RASA3: variants seen among roughly 807,000 people sequenced by gnomAD.
RASA3 encodes the protein ras GTPase-activating protein 3.
In RASA3, 73 loss-of-function variants were observed where a neutral mutation model predicts 110.0. That is an observed-to-expected ratio of 0.66 (90% confidence interval 0.55 to 0.81). The LOEUF (loss-of-function observed/expected upper bound fraction) is 0.81. Among genes scored for constraint, RASA3 ranks in the 30% least tolerant of loss-of-function variants. The pLI, the probability that RASA3 is intolerant of heterozygous loss-of-function variation, is 0.00. For synonymous variants in RASA3, 500 were observed against 451.4 expected (o/e 1.11, Z -1.37); for missense variants, 976 against 1,113.2 (o/e 0.88, Z 1.75).
chr13:114,037,613 G>T (rs1419731117), intron 4 of RASA3, among the ~76,000 whole-genome samples: 1 of 152,174 alleles, frequency 6.6e-6, no homozygotes, highest in Non-Finnish European at 1.5e-5. Flanking sequence ...ACAATATTAT[G>T]AATATATTCA....
At chr13:114,127,845 C>A (rs1383439055) in intron 1 of RASA3, among the ~76,000 whole-genome samples, 5 of 152,190 alleles carry the variant, frequency 3.3e-5, no homozygotes, top group Non-Finnish European at 7.3e-5. Flanking sequence ...CCAGATAAAT[C>A]CGTGGGTCTC....
chr13:114,044,971 AAC>A (rs1348720365), intron 3 of RASA3, among the ~76,000 whole-genome samples: 4 of 152,292 alleles, frequency 2.6e-5, no homozygotes, highest in African/African-American at 4.8e-5. Context: ...TTTAATAGGT[AAC>A]ACAGAAACAG....
chr13:113,980,150 T>C (rs1276655573), intron 23 of RASA3, among the ~76,000 whole-genome samples: 3 of 138,908 alleles, frequency 2.2e-5, no homozygotes, highest in Non-Finnish European at 4.6e-5. Context: ...CTGCCACGTG[T>C]GTGCACACCT....
intron 9 of RASA3, among the ~76,000 whole-genome samples, chr13:114,021,097 G>A (rs1033232281): frequency 6.3e-4 from 95 of 151,944 alleles, no homozygotes; most frequent in African/African-American, 2.2e-3. Context: ...ATCAGACCCC[G>A]TGAGCTGCTC....
At chr13:114,003,291 G>A (rs1405932078) in intron 18 of RASA3, among the ~76,000 whole-genome samples, 1 of 152,132 alleles carries the variant, frequency 6.6e-6, no homozygotes, top group Non-Finnish European at 1.5e-5. Context: ...GCTGCATCCA[G>A]GGCACCTGGG....
intron 1 of RASA3, among the ~76,000 whole-genome samples, chr13:114,119,468 A>C (rs1283389329): frequency 6.6e-6 from 1 of 152,046 alleles, no homozygotes; most frequent in African/African-American, 2.4e-5. Flanking sequence ...AGCAGCAGCG[A>C]GAGAACCAGC....
intron 2 of RASA3, among the ~76,000 whole-genome samples, chr13:114,072,788 G>A (rs2079593402): frequency 6.6e-6 from 1 of 152,222 alleles, no homozygotes; most frequent in African/African-American, 2.4e-5. Flanking sequence ...TGATGTACAT[G>A]CTCAGGACAT....
At chr13:114,100,122 C>CA (rs757599654) in intron 1 of RASA3, among the ~76,000 whole-genome samples, 17 of 151,110 alleles carry the variant, frequency 1.1e-4, no homozygotes, top group Non-Finnish European at 2.2e-4. Context: ...CTGAACACAG[C>CA]AAGGCTTTCC....
At position 114,131,342 on chromosome 13, in the gene RASA3, G is replaced by A. The variant is rs1351521917; in HGVS notation, c.55+1093C>T. 2.6e-5 allele frequency among the ~76,000 whole-genome samples: 4 copies of A among 152,146 alleles called. No individual in the cohort carries two copies. In the East Asian group the frequency reaches 7.7e-4, roughly 29 times the overall value. ...GGGGACCGCGACACTGCAGGCCCTG[G>A]AAGCCTCTCCAGCCTGAACCGCGCT... On this transcript the variant is annotated intron_variant, in intron 1 of 23. Transcript: ENST00000334062.
In RASA3 at chr13:114,018,749, G is replaced by A. The variant is rs2053850026; in HGVS notation, c.942+14C>T. 3 of 1,612,436 alleles carry A rather than the reference G, an allele frequency of 1.9e-6. No individual in the cohort carries two copies. ...CTCCTGCCCACACCCACAGGCCACG[G>A]CGTGGACAAGCACCTCCACATCCGC... On this transcript the variant is annotated intron_variant, in intron 10 of 23. Coordinates refer to ENST00000334062, the MANE Select transcript of RASA3 (RefSeq NM_007368.4).
At position 114,013,952 on chromosome 13, in the gene RASA3, GTCTCTC is replaced by G. The variant is rs36231035; in HGVS notation, c.1406-710_1406-705del. Among the ~76,000 whole-genome samples, 61 of 108,222 alleles carry G rather than the reference GTCTCTC, an allele frequency of 5.6e-4. 2 individuals are homozygous for G. The highest frequency in any genetic ancestry group is 2.0e-3 in the South Asian group (6 of 3,052). The allele number at this position is 108,222 out of a possible 152,430, so 71.0% of individuals were successfully genotyped here. A position where few individuals can be genotyped will look rare whatever the true frequency, so the allele number is the denominator to read the frequency against. ...TCTCTCTCCCTGTCTCTATCTCTCT[GTCTCTC>G]TCTCTCTCTCTCCGTCTCGATCTCT... On this transcript the variant is annotated intron_variant, in intron 14 of 23. Transcript: ENST00000334062.
intron 1 of RASA3, among the ~76,000 whole-genome samples, chr13:114,108,341 T>G (rs1342759435): frequency 2.3e-5 from 3 of 128,134 alleles, no homozygotes; most frequent in Non-Finnish European, 4.9e-5. Flanking sequence ...TCACCCCACA[T>G]CCGTCATCCC....
At chr13:114,103,940 A>G (rs60287946) in intron 1 of RASA3, among the ~76,000 whole-genome samples, 2 of 19,674 alleles carry the variant, frequency 1.0e-4, no homozygotes, top group African/African-American at 1.6e-4. Flanking sequence ...CCACGCTGCC[A>G]CAGCCACGGA....
In RASA3 at chr13:114,052,071, G is replaced by GA. The variant is rs34594581; in HGVS notation, c.257dup (p.Arg87ProfsTer34). 1 of 1,609,068 alleles carries GA rather than the reference G, an allele frequency of 6.2e-7. No homozygotes were observed. The highest frequency in any genetic ancestry group is 8.5e-7 in the Non-Finnish European group (1 of 1,176,164). On this transcript the variant is annotated frameshift_variant, in exon 3 of 24. Transcript: ENST00000334062. LOFTEE classifies it high-confidence loss of function. ...ACCTACCTATGATGGAATCCCTCCG[G>GA]AAAACGTCTCTATCGAAAATGTAGA...
At position 114,009,384 on chromosome 13, in the gene RASA3, T is replaced by TA. The variant is rs2053583449; in HGVS notation, c.1668+2dup. On this transcript the variant is annotated splice_region_variant and intron_variant, in intron 17 of 23. Transcript: ENST00000334062. ...GGCGGTCGGAGGGTGAGTCGATACT[T>TA]ACGTTCTTCACCGCATCAGCATATT... is the stretch of plus-strand genomic sequence containing the variant. 2 of 1,609,960 alleles carry TA rather than the reference T, an allele frequency of 1.2e-6. No homozygotes were observed. Among genetic ancestry groups the TA allele is most frequent in the Non-Finnish European group, 1.7e-6 (2 of 1,177,290 alleles).
intron 14 of RASA3, among the ~76,000 whole-genome samples, chr13:114,013,503 CCCTCT>C (rs2053691976): frequency 2.0e-5 from 3 of 146,484 alleles, no homozygotes; most frequent in South Asian, 4.5e-4. Flanking sequence ...CTCTCTCTCT[CCCTCT>C]ATTTGTCTCT....
intron 21 of RASA3, among the ~76,000 whole-genome samples, chr13:113,993,806 T>TAAAA (rs35450759): frequency 2.9e-4 from 25 of 85,568 alleles, no homozygotes; most frequent in African/African-American, 9.7e-4. Context: ...AGACTCTGCC[T>TAAAA]AAAAAAAAAA....
intron 18 of RASA3, among the ~76,000 whole-genome samples, chr13:114,001,262 G>A (rs531556100): frequency 2.6e-4 from 39 of 152,298 alleles, no homozygotes; most frequent in African/African-American, 8.2e-4. Flanking sequence ...ACCTGCGGCC[G>A]TGGGCTCAGG....
Position 114,017,204 on chromosome 13 carries a change from C to T in RASA3, c.1206+33G>A, listed in dbSNP as rs547231226. The T allele has an allele frequency of 1.2e-4, 185 of 1,576,834 alleles. 3 individuals are homozygous for T. The South Asian group carries it at 1.5e-3, about 12-fold the overall frequency. On this transcript the variant is annotated intron_variant, in intron 12 of 23. Coordinates refer to ENST00000334062, the MANE Select transcript of RASA3 (RefSeq NM_007368.4). Reference sequence around the variant, plus strand: ...GTTGGGGGAAATCCTCCCCACGCCTCGTGAGGCTGAGGACTCTCGGCCCCG... The same window carrying T: ...GTTGGGGGAAATCCTCCCCACGCCTTGTGAGGCTGAGGACTCTCGGCCCCG...
Sources: allele counts gnomAD v4.1 joint callset (sites outside exome capture counted in the v4.1 genomes callset), GRCh38; gene constraint gnomAD v4.1.1; transcripts MANE v1.5; gene names NCBI Gene and HGNC (gene_info 2026-07-23, HGNC 2026-07-21).